The following ARID2 variants were observed in gnomAD, a reference collection of about 807,000 sequenced individuals.
The protein encoded by ARID2 is AT-rich interactive domain-containing protein 2.
Under a neutral mutation model 184.6 loss-of-function variants are expected in ARID2, and 32 were observed. The ratio of observed to expected loss-of-function variants is 0.17; its 90% confidence interval spans 0.13 to 0.23. The LOEUF (loss-of-function observed/expected upper bound fraction) is 0.23, where lower values mean the gene tolerates loss of function less well. Among genes scored for constraint, ARID2 ranks in the 10% least tolerant of loss-of-function variants. ARID2 has a pLI of 1.00. For missense variants in ARID2, 1,696 were observed against 2,197.6 expected, an observed-to-expected ratio of 0.77 and a Z score of 4.56; for synonymous variants, 836 against 772.6, an observed-to-expected ratio of 1.08 and a Z score of -1.36.
intron 3 of ARID2, among the ~76,000 whole-genome samples, chr12:45,805,349 T>G (rs1033372038): frequency 6.6e-6 from 1 of 152,138 alleles, no homozygotes; most frequent in Non-Finnish European, 1.5e-5. Context: ...AGTCTTCCTA[T>G]ACAAGTAACA....
intron 11 of ARID2, among the ~76,000 whole-genome samples, chr12:45,842,822 T>G (rs1457490856): frequency 6.6e-6 from 1 of 151,932 alleles, no homozygotes; most frequent in African/African-American, 2.4e-5. Flanking sequence ...TGAATAGGAC[T>G]CTCCCCTCTA....
At chr12:45,740,899 A>G (rs937784033) in intron 3 of ARID2, among the ~76,000 whole-genome samples, 1 of 152,166 alleles carries the variant, frequency 6.6e-6, no homozygotes, top group Non-Finnish European at 1.5e-5. Context: ...GAGACATGTC[A>G]TGTCACTTTG....
intron 6 of ARID2, among the ~76,000 whole-genome samples, chr12:45,834,051 G>A (rs1943169623): frequency 6.6e-6 from 1 of 152,012 alleles, no homozygotes; most frequent in Non-Finnish European, 1.5e-5. Flanking sequence ...TAGAATTAAT[G>A]TCCAAATAAA....
chr12:45,832,989 T>C (rs1016203493), intron 6 of ARID2, among the ~76,000 whole-genome samples: 5 of 152,204 alleles, frequency 3.3e-5, no homozygotes, highest in Non-Finnish European at 5.9e-5. Context: ...GAGGGATGAC[T>C]GAATATGTAT....
At chr12:45,790,161 G>C (rs1265387958) in intron 3 of ARID2, among the ~76,000 whole-genome samples, 2 of 151,844 alleles carry the variant, frequency 1.3e-5, no homozygotes, top group African/African-American at 4.8e-5. Flanking sequence ...AAGTTTATTA[G>C]TACTTTTATT....
chr12:45,733,946 A>T (rs1592042522), intron 3 of ARID2, among the ~76,000 whole-genome samples: 1 of 152,222 alleles, frequency 6.6e-6, no homozygotes, highest in African/African-American at 2.4e-5. Flanking sequence ...AATTTTTACA[A>T]ATATAAGTGC....
chr12:45,733,388 T>A (rs570064208), intron 3 of ARID2, among the ~76,000 whole-genome samples: 1 of 152,290 alleles, frequency 6.6e-6, no homozygotes, highest in Admixed American at 6.5e-5. Flanking sequence ...AGCAATTCTA[T>A]TACCTACCCA....
At chr12:45,779,404 G>A (rs1290964928) in intron 3 of ARID2, among the ~76,000 whole-genome samples, 2 of 151,954 alleles carry the variant, frequency 1.3e-5, no homozygotes. Context: ...GTGAAAAATT[G>A]TACTTTGTTC....
intron 16 of ARID2, among the ~76,000 whole-genome samples, chr12:45,880,171 C>T (rs929156075): frequency 2.6e-5 from 4 of 152,184 alleles, no homozygotes; most frequent in Admixed American, 6.5e-5. Context: ...ATATATTTCT[C>T]GTTAAAAACT....
intron 16 of ARID2, among the ~76,000 whole-genome samples, chr12:45,876,627 AAGATCACTGATCAC>A (rs1372747422): frequency 6.6e-6 from 1 of 152,044 alleles, no homozygotes; most frequent in African/African-American, 2.4e-5. Context: ...AGGTGACATC[AAGATCACTGATCAC>A]AGATCACTAT....
chr12:45,753,626 A>G (rs1340845355), intron 3 of ARID2, among the ~76,000 whole-genome samples: 1 of 152,120 alleles, frequency 6.6e-6, no homozygotes, highest in African/African-American at 2.4e-5. Context: ...TTTTTGAGAC[A>G]AGGTCTCGCT....
chr12:45,826,990 A>G (rs941891281), intron 6 of ARID2, among the ~76,000 whole-genome samples: 1 of 152,008 alleles, frequency 6.6e-6, no homozygotes, highest in African/African-American at 2.4e-5. Flanking sequence ...CATATTACAC[A>G]TTTCATAATT....
chr12:45,793,515 C>T (rs1481738548), intron 3 of ARID2, among the ~76,000 whole-genome samples: 1 of 151,224 alleles, frequency 6.6e-6, no homozygotes, highest in Non-Finnish European at 1.5e-5. Flanking sequence ...CCTTAGAGTA[C>T]TTTATATATA....
chr12:45,782,175 A>G (rs1358080735), intron 3 of ARID2, among the ~76,000 whole-genome samples: 1 of 152,198 alleles, frequency 6.6e-6, no homozygotes, highest in East Asian at 1.9e-4. Context: ...CACATGCTAC[A>G]AAATTTTATA....
intron 16 of ARID2, chr12:45,874,460 T>C: frequency 5.0e-6 from 1 of 199,378 alleles, no homozygotes; most frequent in East Asian, 1.4e-4. Flanking sequence ...CAGGAGTAGA[T>C]TCTACCCCAA....
At chr12:45,875,957 G>C (rs1048047940) in intron 16 of ARID2, among the ~76,000 whole-genome samples, 2 of 152,186 alleles carry the variant, frequency 1.3e-5, no homozygotes, top group African/African-American at 4.8e-5. Flanking sequence ...GTTCACTTGA[G>C]AATCACTTTT....
At chr12:45,785,145 A>G (rs1228723170) in intron 3 of ARID2, among the ~76,000 whole-genome samples, 3 of 152,186 alleles carry the variant, frequency 2.0e-5, no homozygotes, top group Non-Finnish European at 4.4e-5. Flanking sequence ...GCCAGAGTAG[A>G]GGTGATGGAA....
intron 3 of ARID2, among the ~76,000 whole-genome samples, chr12:45,737,986 TAA>T (rs969925208): frequency 2.0e-5 from 3 of 152,170 alleles, no homozygotes; most frequent in Admixed American, 6.5e-5. Flanking sequence ...TAACTTATCC[TAA>T]GTGTGTTTAT....
intron 6 of ARID2, among the ~76,000 whole-genome samples, chr12:45,825,643 G>T (rs551186097): frequency 6.6e-6 from 1 of 152,192 alleles, no homozygotes; most frequent in East Asian, 1.9e-4. Context: ...TAGGAGGATT[G>T]GTTGAGCCCA....
Sources: gnomAD v4.1 joint callset for allele counts (sites outside exome capture counted in the v4.1 genomes callset) on GRCh38, gnomAD v4.1.1 for gene constraint, MANE v1.5 for transcripts, NCBI Gene and HGNC (gene_info 2026-07-23, HGNC 2026-07-21) for gene names.